The following LEMD1 variants were observed in gnomAD, a reference collection of about 807,000 sequenced individuals.
The protein encoded by LEMD1 is LEM domain containing 1.
Under a neutral mutation model 17.4 loss-of-function variants are expected in LEMD1, and 18 were observed. The observed-to-expected ratio is 1.04, with a 90% CI of 0.72 to 1.54. The LOEUF (loss-of-function observed/expected upper bound fraction) is 1.54. Among genes scored for constraint, LEMD1 ranks in the 40% most tolerant of loss-of-function variants. The pLI is 0.00. For synonymous variants in LEMD1, 88 were observed against 77.8 expected (o/e 1.13, Z -0.69); for missense variants, 195 against 210.4 (o/e 0.93, Z 0.45).
chr1:205,397,983 T>C (rs942988650), intron 4 of LEMD1, among the ~76,000 whole-genome samples: 3 of 152,210 alleles, frequency 2.0e-5, no homozygotes, highest in Non-Finnish European at 2.9e-5. Context: ...CTGCTGCTCT[T>C]GAATTTCAAA....
chr1:205,425,212 T>C (rs562818957), upstream of LEMD1, among the ~76,000 whole-genome samples: 1 of 152,374 alleles, frequency 6.6e-6, no homozygotes, highest in Admixed American at 6.5e-5. Flanking sequence ...TCTACACTAC[T>C]TGAAGCCAGC....
chr1:205,417,388 C>A (rs1391073709), intron 3 of LEMD1, among the ~76,000 whole-genome samples: 1 of 152,220 alleles, frequency 6.6e-6, no homozygotes, highest in Non-Finnish European at 1.5e-5. Context: ...ACTGAGACCA[C>A]AACAGCTTGG....
At chr1:205,395,421 C>T (rs2102368057) in intron 4 of LEMD1, among the ~76,000 whole-genome samples, 1 of 151,722 alleles carries the variant, frequency 6.6e-6, no homozygotes, top group South Asian at 2.1e-4. Context: ...ATGGAGAAAC[C>T]CTGTCTCTAC....
intron 4 of LEMD1, among the ~76,000 whole-genome samples, chr1:205,400,456 A>G (rs1484550161): frequency 6.6e-6 from 1 of 152,240 alleles, no homozygotes; most frequent in African/African-American, 2.4e-5. Context: ...ATGTAATGAG[A>G]AGAGCACAGC....
intron 1 of LEMD1, among the ~76,000 whole-genome samples, chr1:205,444,989 C>T (rs1666358979): frequency 6.6e-6 from 1 of 152,040 alleles, no homozygotes; most frequent in Admixed American, 6.6e-5. Flanking sequence ...CCGCCCCCTC[C>T]CCGGCTCCCT....
At chr1:205,419,409 C>T (rs1338117649) in intron 2 of LEMD1, 57 bp from the exon 3 acceptor site, 2 of 1,579,312 alleles carry the variant, frequency 1.3e-6, no homozygotes, top group East Asian at 2.2e-5. Flanking sequence ...TATGAGCCTA[C>T]TAGGTTCAAG....
intron 4 of LEMD1, among the ~76,000 whole-genome samples, chr1:205,399,094 A>C (rs1664718701): frequency 6.6e-6 from 1 of 152,124 alleles, no homozygotes; most frequent in Non-Finnish European, 1.5e-5. Flanking sequence ...GCAAGCCTGT[A>C]GTTCCAGCTA....
chr1:205,408,347 A>G (rs1053120496), intron 4 of LEMD1, among the ~76,000 whole-genome samples: 1 of 152,066 alleles, frequency 6.6e-6, no homozygotes, highest in Admixed American at 6.5e-5. Flanking sequence ...ACACACACAC[A>G]CACTCCTCAA....
intron 1 of LEMD1, among the ~76,000 whole-genome samples, chr1:205,444,665 G>T (rs1666352642): frequency 6.6e-6 from 1 of 152,184 alleles, no homozygotes; most frequent in South Asian, 2.1e-4. Context: ...CCCCAGGCTT[G>T]CAGACCACAA....
intron 4 of LEMD1, among the ~76,000 whole-genome samples, chr1:205,393,140 G>T (rs1253491498): frequency 6.6e-6 from 1 of 151,968 alleles, no homozygotes; most frequent in Non-Finnish European, 1.5e-5. Flanking sequence ...AATATATAAA[G>T]AATTCTTACA....
intron 4 of LEMD1, among the ~76,000 whole-genome samples, chr1:205,393,481 G>A (rs1428694050): frequency 2.0e-5 from 3 of 151,874 alleles, no homozygotes; most frequent in African/African-American, 7.3e-5. Flanking sequence ...TTCGAGACCA[G>A]CCTGGCCAAC....
chr1:205,384,626 A>G (rs1288129236), intron 4 of LEMD1, among the ~76,000 whole-genome samples: 1 of 152,234 alleles, frequency 6.6e-6, no homozygotes, highest in Non-Finnish European at 1.5e-5. Flanking sequence ...TGATGAGAAC[A>G]GCACTCTGTT....
At chr1:205,431,576 G>C (rs914013106) in intron 1 of LEMD1, among the ~76,000 whole-genome samples, 2 of 152,224 alleles carry the variant, frequency 1.3e-5, no homozygotes, top group African/African-American at 4.8e-5. Context: ...CCAATTGAGT[G>C]GAAGGTTGGT....
chr1:205,447,657 G>A (rs887562498), intron 1 of LEMD1, among the ~76,000 whole-genome samples: 8 of 151,968 alleles, frequency 5.3e-5, no homozygotes, highest in Non-Finnish European at 1.2e-4. Context: ...ACGGGGGCAG[G>A]GAGGGCTGGT....
intron 4 of LEMD1, among the ~76,000 whole-genome samples, chr1:205,393,503 C>A (rs1461713946): frequency 6.6e-6 from 1 of 151,894 alleles, no homozygotes; most frequent in Non-Finnish European, 1.5e-5. Context: ...TGGTGAAACA[C>A]CATCTGTACT....
At chr1:205,411,251 G>T (rs1459022061) in intron 4 of LEMD1, among the ~76,000 whole-genome samples, 1 of 149,210 alleles carries the variant, frequency 6.7e-6, no homozygotes, top group Non-Finnish European at 1.5e-5. Flanking sequence ...AAGGAAGGAA[G>T]GAAGGAAGGA....
intron 5 of LEMD1, among the ~76,000 whole-genome samples, chr1:205,382,578 T>A (rs1663768734): frequency 1.3e-5 from 2 of 152,084 alleles, no homozygotes; most frequent in South Asian, 4.2e-4. Context: ...TTTCAACAAG[T>A]GATACTAACA....
intron 1 of LEMD1, among the ~76,000 whole-genome samples, chr1:205,427,501 G>GAA (rs978004077): frequency 1.3e-5 from 2 of 151,596 alleles, no homozygotes; most frequent in Non-Finnish European, 2.9e-5. Flanking sequence ...GAGAGAGAGA[G>GAA]AGAGAGACAG....
chr1:205,398,038 A>G (rs1253039544), intron 4 of LEMD1, among the ~76,000 whole-genome samples: 4 of 152,238 alleles, frequency 2.6e-5, no homozygotes, highest in Non-Finnish European at 5.9e-5. Context: ...TTTCATCAAT[A>G]AGATCAAGAT....
Sources: gnomAD v4.1 joint callset for allele counts (sites outside exome capture counted in the v4.1 genomes callset) on GRCh38, gnomAD v4.1.1 for gene constraint, MANE v1.5 for transcripts, NCBI Gene and HGNC (gene_info 2026-07-23, HGNC 2026-07-21) for gene names.